CACNB4: variants seen among roughly 807,000 people sequenced by gnomAD.
CACNB4 encodes the protein voltage-dependent L-type calcium channel subunit beta-4.
In CACNB4, 32 loss-of-function variants were observed where a neutral mutation model predicts 71.2. That is an observed-to-expected ratio of 0.45 (90% CI 0.34 to 0.60). CACNB4 has a LOEUF of 0.60. Ranked by LOEUF, CACNB4 falls within the 20% of genes least tolerant of loss-of-function variation. CACNB4 has a pLI of 0.01. For missense variants in CACNB4, 464 were observed against 647.9 expected, an observed-to-expected ratio of 0.72 and a Z score of 3.08; for synonymous variants, 231 against 236.9, an observed-to-expected ratio of 0.97 and a Z score of 0.23.
At chr2:151,979,788 G>A (rs1198618769) in intron 2 of CACNB4, among the ~76,000 whole-genome samples, 1 of 152,202 alleles carries the variant, frequency 6.6e-6, no homozygotes, top group Admixed American at 6.5e-5. Context: ...ATTGAACCAA[G>A]GAGATGGTTG....
At chr2:151,970,542 C>A (rs557543844) in intron 2 of CACNB4, 1 of 152,238 alleles carries the variant, frequency 6.6e-6, no homozygotes, top group East Asian at 1.9e-4. Context: ...ATGAAATCTA[C>A]TGCAAATCAG....
intron 5 of CACNB4, among the ~76,000 whole-genome samples, chr2:151,875,475 C>T (rs868150466): frequency 8.2e-4 from 124 of 151,650 alleles, no homozygotes; most frequent in African/African-American, 2.8e-3. Context: ...AAACCGCCAT[C>T]GTCATCATGG....
At chr2:151,841,817 G>A (rs2099836299) in intron 13 of CACNB4, 86 bp downstream of exon 13, 5 of 1,096,912 alleles carry the variant, frequency 4.6e-6, no homozygotes, top group Middle Eastern at 2.4e-4. Context: ...TCAGATTAAG[G>A]ATGACTCCAG....
At chr2:151,867,917 A>G (rs1464636454) in intron 9 of CACNB4, 4 of 152,228 alleles carry the variant, frequency 2.6e-5, no homozygotes, top group African/African-American at 9.6e-5. Flanking sequence ...TAAGTGAGCA[A>G]TAATAAGCTT....
At chr2:152,025,842 T>C (rs1298005613) in intron 2 of CACNB4, among the ~76,000 whole-genome samples, 1 of 152,240 alleles carries the variant, frequency 6.6e-6, no homozygotes, top group Non-Finnish European at 1.5e-5. Flanking sequence ...CAAGAAACAG[T>C]GAATTTTTCT....
At chr2:151,924,224 G>A (rs558914451) in intron 2 of CACNB4, among the ~76,000 whole-genome samples, 26 of 151,198 alleles carry the variant, frequency 1.7e-4, no homozygotes, top group South Asian at 4.2e-4. Flanking sequence ...GACTACAGGC[G>A]CCCACTACCA....
At chr2:152,057,829 CTT>C (rs34706701) in intron 2 of CACNB4, among the ~76,000 whole-genome samples, 35,871 of 151,964 alleles carry the variant, frequency 0.24, 4,444 homozygotes, top group Middle Eastern at 0.39. Flanking sequence ...GGGAAGGAAA[CTT>C]TTATTTTTCC....
chr2:151,989,472 C>T (rs911265911), intron 2 of CACNB4, among the ~76,000 whole-genome samples: 1 of 152,176 alleles, frequency 6.6e-6, no homozygotes, highest in African/African-American at 2.4e-5. Flanking sequence ...ACACTATTGA[C>T]CTTTCTCCCG....
chr2:152,043,080 C>G (rs760940254), intron 2 of CACNB4, among the ~76,000 whole-genome samples: 5 of 152,142 alleles, frequency 3.3e-5, no homozygotes, highest in African/African-American at 4.8e-5. Flanking sequence ...AAGGAGGAAC[C>G]TTCAGTTCAA....
At chr2:152,038,921 T>C (rs767293115) in intron 2 of CACNB4, among the ~76,000 whole-genome samples, 3 of 152,198 alleles carry the variant, frequency 2.0e-5, no homozygotes, top group Admixed American at 2.0e-4. Flanking sequence ...CTTCCTCATG[T>C]TCCCTGCTGG....
rs1170222804 is a variant in CACNB4 at position 151,904,564 on chromosome 2, T to C, written c.148-21194A>G. ...TTTTTTTTTTTTTTTTGAGACGGAG[T>C]CTCACTGTTGCCCAGGCTAGAGTGC... On this transcript the variant is annotated intron_variant, in intron 2 of 13. Transcript: ENST00000539935. Among the ~76,000 whole-genome samples the C allele has an allele frequency of 3.5e-5, 5 of 141,252 alleles. No homozygotes were observed. In the East Asian group the frequency reaches 1.0e-3, roughly 29 times the overall value. The allele number at this position is 141,252 out of a possible 152,430, so 92.7% of individuals were successfully genotyped here.
intron 8 of CACNB4, 181 bp from the exon 9 acceptor site, chr2:151,869,416 A>G: frequency 1.8e-6 from 1 of 544,128 alleles, no homozygotes; most frequent in Non-Finnish European, 3.3e-6. Context: ...GCAATTGCTA[A>G]TTTCCACCCC....
chr2:151,893,892 C>CCTAT (rs1439955956), intron 2 of CACNB4, among the ~76,000 whole-genome samples: 1 of 152,130 alleles, frequency 6.6e-6, no homozygotes, highest in Non-Finnish European at 1.5e-5. Flanking sequence ...AGATGAACAA[C>CCTAT]CTATCTCTTC....
intron 2 of CACNB4, among the ~76,000 whole-genome samples, chr2:151,951,499 T>C (rs890653956): frequency 6.6e-6 from 1 of 152,116 alleles, no homozygotes; most frequent in Non-Finnish European, 1.5e-5. Context: ...ATCAGAAAGA[T>C]CAGTGAGAAT....
At chr2:152,072,933 G>A (rs949778264) in intron 2 of CACNB4, among the ~76,000 whole-genome samples, 3 of 152,154 alleles carry the variant, frequency 2.0e-5, no homozygotes, top group African/African-American at 7.2e-5. Context: ...ACAGGCGTGA[G>A]CCACCATGCC....
intron 2 of CACNB4, among the ~76,000 whole-genome samples, chr2:152,057,684 T>G (rs544321145): frequency 2.6e-5 from 4 of 152,252 alleles, no homozygotes; most frequent in African/African-American, 9.6e-5. Context: ...CATACACACA[T>G]GCACACACAG....
chr2:152,003,127 T>G (rs957244279), intron 2 of CACNB4, among the ~76,000 whole-genome samples: 1 of 152,186 alleles, frequency 6.6e-6, no homozygotes, highest in Admixed American at 6.5e-5. Context: ...TCTATACCAT[T>G]TGCTTTATTA....
intron 2 of CACNB4, among the ~76,000 whole-genome samples, chr2:151,900,439 G>A (rs1440558454): frequency 5.3e-5 from 8 of 152,190 alleles, no homozygotes; most frequent in African/African-American, 1.2e-4. Flanking sequence ...AAAACGTTGC[G>A]AAGGCATTTC....
intron 2 of CACNB4, chr2:151,972,188 C>T (rs1290429262): frequency 2.6e-5 from 4 of 152,356 alleles, no homozygotes; most frequent in Admixed American, 2.6e-4. Context: ...TCCTAGCCAA[C>T]TCTTCACAGC....
Sources: allele counts gnomAD v4.1 joint callset (sites outside exome capture counted in the v4.1 genomes callset), GRCh38; gene constraint gnomAD v4.1.1; transcripts MANE v1.5; gene names NCBI Gene and HGNC (gene_info 2026-07-23, HGNC 2026-07-21).